The following CEP85L variants were observed in gnomAD, a reference collection of about 807,000 sequenced individuals.
The protein encoded by CEP85L is centrosomal protein of 85 kDa-like.
In CEP85L, 60 loss-of-function variants were observed where a neutral mutation model predicts 100.3. That is an observed-to-expected ratio of 0.60 (90% CI 0.49 to 0.74). CEP85L has a LOEUF of 0.74. Ranked by LOEUF, CEP85L falls within the 30% of genes least tolerant of loss-of-function variation. The pLI, the probability that CEP85L is intolerant of heterozygous loss-of-function variation, is 0.00. For missense variants in CEP85L, 973 were observed against 936.2 expected, an observed-to-expected ratio of 1.04 and a Z score of -0.51; for synonymous variants, 319 against 322.7, an observed-to-expected ratio of 0.99 and a Z score of 0.12.
At chr6:118,537,999 A>C (rs1390539988) in intron 3 of CEP85L, 1 of 725,608 alleles carries the variant, frequency 1.4e-6, no homozygotes, top group Non-Finnish European at 1.7e-6. Flanking sequence ...AAATAATACA[A>C]ATAACATAAA....
intron 3 of CEP85L, chr6:118,559,524 CAAAG>C (rs1327128441): frequency 4.9e-6 from 1 of 203,900 alleles, no homozygotes; most frequent in Non-Finnish European, 1.1e-5. Context: ...CACCAAGTAT[CAAAG>C]TAATAACACA....
At chr6:118,573,025 G>A (rs1336388375) in intron 2 of CEP85L, among the ~76,000 whole-genome samples, 2 of 152,172 alleles carry the variant, frequency 1.3e-5, no homozygotes, top group Non-Finnish European at 2.9e-5. Context: ...CTGTGCCATT[G>A]CACTCCAGCT....
chr6:118,691,490 A>T (rs868128856), intron 1 of CEP85L, among the ~76,000 whole-genome samples: 13 of 150,614 alleles, frequency 8.6e-5, no homozygotes, highest in African/African-American at 3.2e-4. Context: ...CCAAGATCGC[A>T]GCATTGCACT....
chr6:118,520,444 G>T (rs1776594052), intron 4 of CEP85L, among the ~76,000 whole-genome samples: 1 of 151,786 alleles, frequency 6.6e-6, no homozygotes, highest in African/African-American at 2.4e-5. Flanking sequence ...ATATTTGTGG[G>T]GTATAATGTG....
intron 10 of CEP85L, among the ~76,000 whole-genome samples, chr6:118,473,500 A>G (rs951834545): frequency 3.9e-5 from 6 of 152,236 alleles, no homozygotes; most frequent in African/African-American, 1.4e-4. Flanking sequence ...GAGAAGGAAG[A>G]CAGCATGCAG....
At chr6:118,516,725 T>C (rs1259150990) in intron 4 of CEP85L, among the ~76,000 whole-genome samples, 2 of 152,228 alleles carry the variant, frequency 1.3e-5, no homozygotes, top group Non-Finnish European at 2.9e-5. Context: ...TAGTTTCTTT[T>C]GCTGTGCAGA....
chr6:118,533,744 T>C (rs968025721), intron 3 of CEP85L, among the ~76,000 whole-genome samples: 5 of 152,152 alleles, frequency 3.3e-5, no homozygotes, highest in Non-Finnish European at 5.9e-5. Flanking sequence ...GAGCTATACA[T>C]AGATAATACG....
At chr6:118,570,967 G>C (rs1779852053) in intron 2 of CEP85L, among the ~76,000 whole-genome samples, 1 of 151,540 alleles carries the variant, frequency 6.6e-6, no homozygotes, top group African/African-American at 2.4e-5. Flanking sequence ...AGAATTATTT[G>C]AAAGAATTAA....
intron 5 of CEP85L, chr6:118,502,142 T>C: frequency 8.7e-7 from 1 of 1,154,072 alleles, no homozygotes. Flanking sequence ...CAGTCTGGAG[T>C]GAATATTCTG....
chr6:118,681,564 T>A (rs541560282), intron 1 of CEP85L, among the ~76,000 whole-genome samples: 2 of 152,238 alleles, frequency 1.3e-5, no homozygotes, highest in Admixed American at 6.5e-5. Flanking sequence ...TTTTTCCTAA[T>A]GAATTTTAAA....
intron 10 of CEP85L, among the ~76,000 whole-genome samples, chr6:118,472,547 T>C (rs1470900421): frequency 6.6e-6 from 1 of 152,188 alleles, no homozygotes; most frequent in Non-Finnish European, 1.5e-5. Context: ...AAGATATGTT[T>C]AAAAGATAAC....
At chr6:118,690,058 T>G (rs1278859387) in intron 1 of CEP85L, among the ~76,000 whole-genome samples, 1 of 152,084 alleles carries the variant, frequency 6.6e-6, no homozygotes, top group Non-Finnish European at 1.5e-5. Context: ...TGGCCCTGAT[T>G]CCTTCCTTCT....
intron 5 of CEP85L, among the ~76,000 whole-genome samples, chr6:118,506,685 A>G (rs1013493236): frequency 3.9e-5 from 6 of 152,188 alleles, no homozygotes; most frequent in Admixed American, 3.3e-4. Flanking sequence ...GTGTATGAGC[A>G]AATTTGCACC....
At chr6:118,567,229 GTGTGTGTGTGTGTGTGTGTGTATATA>G (rs1350449578) in intron 2 of CEP85L, among the ~76,000 whole-genome samples, 2 of 79,586 alleles carry the variant, frequency 2.5e-5, no homozygotes, top group African/African-American at 9.8e-5. Context: ...GTGTGTGTGT[GTGTGTGTGTGTGTGTGTGTGTATATA>G]TATATATATA....
chr6:118,556,496 T>C (rs1778884680), intron 3 of CEP85L, among the ~76,000 whole-genome samples: 1 of 152,170 alleles, frequency 6.6e-6, no homozygotes, highest in African/African-American at 2.4e-5. Flanking sequence ...ATGGTTTCTT[T>C]GCCAAAGTAA....
chr6:118,545,342 C>T (rs1778133979), intron 3 of CEP85L, among the ~76,000 whole-genome samples: 1 of 152,198 alleles, frequency 6.6e-6, no homozygotes, highest in African/African-American at 2.4e-5. Flanking sequence ...GTAATCCCAG[C>T]ACTTTGGGAG....
chr6:118,672,717 G>T (rs1776346807), intron 1 of CEP85L, among the ~76,000 whole-genome samples: 1 of 152,112 alleles, frequency 6.6e-6, no homozygotes, highest in Non-Finnish European at 1.5e-5. Flanking sequence ...AGTGAGCTGA[G>T]ATCGTGTCTC....
In CEP85L at chr6:118,465,323, T is replaced by C. The variant is rs3798420; in HGVS notation, c.*82A>G. 668,016 of 1,317,730 alleles carry C rather than the reference T, an allele frequency of 0.51. 174,298 individuals are homozygous for C. The highest frequency in any genetic ancestry group is 0.54 in the Non-Finnish European group (523,345 of 972,424). The allele number at this position is 1,317,730 out of a possible 1,614,324, so 81.6% of individuals were successfully genotyped here. A position where few individuals can be genotyped will look rare whatever the true frequency, so the allele number is the denominator to read the frequency against. ...AAAAAATCCCTAAGTGCAAGTCATG[T>C]CACTTGCAACCTTCCATTATGGCTC... On this transcript the variant is annotated 3_prime_UTR_variant, in exon 13 of 13. Coordinates refer to ENST00000368491, the MANE Select transcript of CEP85L (RefSeq NM_001042475.3).
At chr6:118,667,442 C>G (rs934299836) in intron 1 of CEP85L, among the ~76,000 whole-genome samples, 11 of 152,146 alleles carry the variant, frequency 7.2e-5, no homozygotes, top group African/African-American at 2.7e-4. Context: ...AATAAATGGG[C>G]ATCTTAATGT....
Sources: gnomAD v4.1 joint callset for allele counts (sites outside exome capture counted in the v4.1 genomes callset) on GRCh38, gnomAD v4.1.1 for gene constraint, MANE v1.5 for transcripts, NCBI Gene and HGNC (gene_info 2026-07-23, HGNC 2026-07-21) for gene names.